The following PLEKHA6 variants were observed in gnomAD, a reference collection of about 807,000 sequenced individuals.
PLEKHA6 encodes the protein pleckstrin homology domain-containing family A member 6.
PLEKHA6 carries 60 observed loss-of-function variants against 116.7 expected under a neutral mutation model. That is an observed-to-expected ratio of 0.51 (90% CI 0.42 to 0.64). The LOEUF (loss-of-function observed/expected upper bound fraction) is 0.64, where lower values mean the gene tolerates loss of function less well. Ranked by LOEUF, PLEKHA6 falls within the 30% of genes least tolerant of loss-of-function variation. The pLI, the probability that PLEKHA6 is intolerant of heterozygous loss-of-function variation, is 0.00. For synonymous variants in PLEKHA6, 489 were observed against 556.1 expected, an observed-to-expected ratio of 0.88 and a Z score of 1.70; for missense variants, 1,338 against 1,422.7, an observed-to-expected ratio of 0.94 and a Z score of 0.96.
intron 18 of PLEKHA6, among the ~76,000 whole-genome samples, chr1:204,229,754 C>A (rs11240702): frequency 0.48 from 73,680 of 152,056 alleles, 18,076 homozygotes; most frequent in African/African-American, 0.56. Flanking sequence ...AAGTTCTAAT[C>A]CATCAACTAG....
intron 1 of PLEKHA6, among the ~76,000 whole-genome samples, chr1:204,329,351 G>A (rs1558184696): frequency 6.6e-6 from 1 of 152,180 alleles, no homozygotes; most frequent in Non-Finnish European, 1.5e-5. Flanking sequence ...ACAGGTGGGA[G>A]TGGGCCATCC....
At chr1:204,331,227 A>T (rs1380545916) in intron 1 of PLEKHA6, among the ~76,000 whole-genome samples, 2 of 149,622 alleles carry the variant, frequency 1.3e-5, no homozygotes, top group Non-Finnish European at 3.0e-5. Context: ...AAAAGGAATG[A>T]GCATCTCAGC....
In PLEKHA6 at chr1:204,259,628, C is replaced by T; in HGVS notation, c.637G>A (p.Gly213Ser). The T allele has an allele frequency of 6.2e-7, 1 of 1,614,192 alleles. No homozygotes were observed. The highest frequency in any genetic ancestry group is 1.1e-5 in the South Asian group (1 of 91,084). Reference sequence around the variant, plus strand: ...CTCTCTGCCTTCTCACAGCCTCGGCCATCACCCTCCCCTCGAGTCTTGGCC... The same window carrying T: ...CTCTCTGCCTTCTCACAGCCTCGGCTATCACCCTCCCCTCGAGTCTTGGCC... ...PEAKTRGEGD[G>S]RGCEKAERRP... is the part of the protein sequence containing the mutation. The change falls in exon 8 of 23, where the codon GGC (glycine) becomes AGC (serine). Residue 213 changes from glycine (G) to serine (S), a missense_variant. Physicochemically the swap from Gly to Ser is moderately conservative, Grantham distance 56 (BLOSUM62 0). Coordinates refer to ENST00000272203, the MANE Select transcript of PLEKHA6 (RefSeq NM_014935.5). This position sits in a 1 kb window ranked among gnomAD's most constrained non-coding sequence, Gnocchi z 4.6.
At chr1:204,346,020 T>C (rs1673029454) in intron 1 of PLEKHA6, among the ~76,000 whole-genome samples, 1 of 152,196 alleles carries the variant, frequency 6.6e-6, no homozygotes, top group Admixed American at 6.5e-5. Flanking sequence ...CACCACCAGA[T>C]GGTTAAGCTG....
chr1:204,251,357 A>C (rs1168152076), intron 9 of PLEKHA6, among the ~76,000 whole-genome samples: 2 of 152,214 alleles, frequency 1.3e-5, no homozygotes, highest in African/African-American at 4.8e-5. Context: ...TACCCATGAA[A>C]GTGAAGAATG....
chr1:204,297,620 G>A (rs1345052759), intron 1 of PLEKHA6, among the ~76,000 whole-genome samples: 1 of 151,796 alleles, frequency 6.6e-6, no homozygotes, highest in Non-Finnish European at 1.5e-5. Context: ...CAACAGGGGG[G>A]GTGGGTAACA....
At chr1:204,332,577 T>C (rs1398069940) in intron 1 of PLEKHA6, among the ~76,000 whole-genome samples, 1 of 152,188 alleles carries the variant, frequency 6.6e-6, no homozygotes, top group Non-Finnish European at 1.5e-5. Context: ...AGATGGGGTT[T>C]CACCATGTTG....
At chr1:204,352,374 CA>C (rs35132900) in intron 1 of PLEKHA6, among the ~76,000 whole-genome samples, 23 of 139,444 alleles carry the variant, frequency 1.6e-4, no homozygotes, top group East Asian at 4.0e-4. Flanking sequence ...GACTCCGTCT[CA>C]AAAAAAAAAA....
At chr1:204,234,164 T>G (rs1279434413) in intron 17 of PLEKHA6, among the ~76,000 whole-genome samples, 1 of 152,112 alleles carries the variant, frequency 6.6e-6, no homozygotes. Context: ...TATCCTTACA[T>G]GGGGCAGGAA....
At chr1:204,320,455 C>T in intron 1 of PLEKHA6, 2 of 975,370 alleles carry the variant, frequency 2.1e-6, no homozygotes, top group Non-Finnish European at 2.4e-6. Context: ...TGGGAAGGAG[C>T]AGTGGCTTCT....
At chr1:204,300,129 C>G (rs750554764) in intron 1 of PLEKHA6, among the ~76,000 whole-genome samples, 5 of 152,206 alleles carry the variant, frequency 3.3e-5, no homozygotes, top group Non-Finnish European at 7.3e-5. Flanking sequence ...GTGTTAACAG[C>G]AGGGTGCATC....
chr1:204,302,093 T>C (rs1670880463), intron 1 of PLEKHA6, among the ~76,000 whole-genome samples: 1 of 152,184 alleles, frequency 6.6e-6, no homozygotes, highest in Non-Finnish European at 1.5e-5. Flanking sequence ...TACATGAAAT[T>C]CTTAGAAACG....
chr1:204,359,293 G>A (rs1673501477), intron 1 of PLEKHA6, among the ~76,000 whole-genome samples: 1 of 151,962 alleles, frequency 6.6e-6, no homozygotes, highest in South Asian at 2.1e-4. Flanking sequence ...GCCTGACCCT[G>A]GACCCCCTCC....
At chr1:204,343,814 C>G (rs1001696455) in intron 1 of PLEKHA6, among the ~76,000 whole-genome samples, 1 of 152,162 alleles carries the variant, frequency 6.6e-6, no homozygotes, top group Non-Finnish European at 1.5e-5. Flanking sequence ...AAAAGCTGAC[C>G]AAGTGAAAGA....
chr1:204,275,022 TC>T, intron 1 of PLEKHA6: 3 of 813,962 alleles, frequency 3.7e-6, no homozygotes, highest in Non-Finnish European at 4.5e-6. Context: ...CCTGGTCACC[TC>T]CCACTAGTCA....
chr1:204,225,432 G>C (rs373650869), intron 21 of PLEKHA6, among the ~76,000 whole-genome samples: 4 of 152,178 alleles, frequency 2.6e-5, no homozygotes, highest in Admixed American at 6.5e-5. Context: ...TATAATGTGT[G>C]CAATCACAAG....
intron 1 of PLEKHA6, among the ~76,000 whole-genome samples, chr1:204,321,457 A>G (rs1343319581): frequency 6.8e-6 from 1 of 148,104 alleles, no homozygotes; most frequent in African/African-American, 2.5e-5. Flanking sequence ...CCTGCAGTGC[A>G]CTCTGTGCTC....
chr1:204,261,235 A>G lies in PLEKHA6; in HGVS notation c.524+71T>C. The G allele has an allele frequency of 1.3e-6, 2 of 1,563,224 alleles. No homozygotes were observed. The highest frequency in any genetic ancestry group is 1.8e-6 in the Non-Finnish European group (2 of 1,133,910). On this transcript the variant is annotated intron_variant, in intron 7 of 22. Transcript: ENST00000272203. This position sits in a 1 kb window ranked among gnomAD's most constrained non-coding sequence, Gnocchi z 4.0. ...GGCACACTGGGATTAGCAATGGCCC[A>G]GAGCTGGGTGTGTCTTCCATTCCCC...
chr1:204,346,684 C>T, intron 1 of PLEKHA6: 1 of 704,030 alleles, frequency 1.4e-6, no homozygotes. Flanking sequence ...CAGAAACAGA[C>T]TCTTTGTATT....
Sources: gnomAD v4.1 joint callset for allele counts (sites outside exome capture counted in the v4.1 genomes callset) on GRCh38, gnomAD v4.1.1 for gene constraint, Gnocchi (gnomAD v3.1) non-coding constraint, MANE v1.5 for transcripts, NCBI Gene and HGNC (gene_info 2026-07-23, HGNC 2026-07-21) for gene names.